SMOC2: variants seen among roughly 807,000 people sequenced by gnomAD.
SMOC2 encodes SPARC-related modular calcium-binding protein 2.
In SMOC2, 39 loss-of-function variants were observed where a neutral mutation model predicts 61.4. That is an observed-to-expected ratio of 0.64 (90% CI 0.49 to 0.83). SMOC2 has a LOEUF of 0.83. Ranked by LOEUF, SMOC2 falls within the 40% of genes least tolerant of loss-of-function variation. The pLI, the probability that SMOC2 is intolerant of heterozygous loss-of-function variation, is 0.00. For synonymous variants in SMOC2, 247 were observed against 239.9 expected (o/e 1.03, Z -0.27); for missense variants, 556 against 592.9 (o/e 0.94, Z 0.65).
intron 1 of SMOC2, among the ~76,000 whole-genome samples, chr6:168,485,705 G>GT (rs1317259470): frequency 2.0e-5 from 3 of 151,996 alleles, no homozygotes; most frequent in Non-Finnish European, 4.4e-5. Flanking sequence ...TAATAGCTAT[G>GT]TTTTTTTGGG....
At chr6:168,457,944 C>T (rs1445166238) in intron 1 of SMOC2, among the ~76,000 whole-genome samples, 1 of 152,122 alleles carries the variant, frequency 6.6e-6, no homozygotes, top group Non-Finnish European at 1.5e-5. Flanking sequence ...AGGGGGGCAG[C>T]ACAGGGGGTG....
intron 7 of SMOC2, among the ~76,000 whole-genome samples, chr6:168,556,731 A>C: frequency 7.8e-6 from 1 of 127,846 alleles, no homozygotes; most frequent in Non-Finnish European, 1.7e-5. Flanking sequence ...TCCTAATGCT[A>C]TCCCTCCCCC....
At chr6:168,584,426 TAAAGCCAAAC>T (rs1474764723) in intron 7 of SMOC2, among the ~76,000 whole-genome samples, 2 of 152,248 alleles carry the variant, frequency 1.3e-5, no homozygotes, top group East Asian at 3.9e-4. Flanking sequence ...CTTGCATAGA[TAAAGCCAAAC>T]TTGGCAAGAG....
chr6:168,650,535 A>G, intron 9 of SMOC2, 146 bp from the exon 10 acceptor site: 1 of 632,910 alleles, frequency 1.6e-6, no homozygotes, highest in Non-Finnish European at 2.7e-6. Context: ...ATATAATGCA[A>G]TGTGTTTGTG....
chr6:168,598,257 A>C (rs528474208), intron 7 of SMOC2, among the ~76,000 whole-genome samples: 1 of 152,348 alleles, frequency 6.6e-6, no homozygotes, highest in African/African-American at 2.4e-5. Flanking sequence ...CAGGTGAGAA[A>C]GTGGATTTTC....
At chr6:168,652,103 T>C (rs944490792) in intron 10 of SMOC2, among the ~76,000 whole-genome samples, 38 of 152,142 alleles carry the variant, frequency 2.5e-4, no homozygotes, top group African/African-American at 8.7e-4. Context: ...CTTTACATCT[T>C]CTATTCTTGG....
chr6:168,527,394 A>T (rs927460131), intron 3 of SMOC2, among the ~76,000 whole-genome samples: 1 of 152,240 alleles, frequency 6.6e-6, no homozygotes, highest in African/African-American at 2.4e-5. Flanking sequence ...TAAGGTGTCC[A>T]GCCCACACTA....
At chr6:168,486,477 T>C (rs1374540913) in intron 1 of SMOC2, among the ~76,000 whole-genome samples, 2 of 152,084 alleles carry the variant, frequency 1.3e-5, no homozygotes, top group African/African-American at 4.8e-5. Flanking sequence ...CCATGTCTTC[T>C]CTTTGCTACT....
At chr6:168,585,645 C>T (rs78623235) in intron 7 of SMOC2, among the ~76,000 whole-genome samples, 2 of 152,228 alleles carry the variant, frequency 1.3e-5, no homozygotes, top group African/African-American at 4.8e-5. Flanking sequence ...CCTCCCACTG[C>T]TCCTCAGCTC....
At chr6:168,497,736 C>T (rs1034839696) in intron 1 of SMOC2, among the ~76,000 whole-genome samples, 8 of 152,220 alleles carry the variant, frequency 5.3e-5, no homozygotes, top group African/African-American at 1.7e-4. Context: ...ATTCAATCAT[C>T]GCCCTGCATT....
At chr6:168,512,123 AG>A (rs1355884726) in intron 2 of SMOC2, among the ~76,000 whole-genome samples, 1 of 152,116 alleles carries the variant, frequency 6.6e-6, no homozygotes, top group Non-Finnish European at 1.5e-5. Flanking sequence ...GCCCACTCAG[AG>A]GGTCCTCTGA....
intron 9 of SMOC2, among the ~76,000 whole-genome samples, chr6:168,613,900 C>G (rs1583160908): frequency 1.1e-5 from 1 of 90,088 alleles, no homozygotes; most frequent in East Asian, 3.8e-4. Context: ...TTCACACCTA[C>G]AGCCAGCACA....
intron 1 of SMOC2, among the ~76,000 whole-genome samples, chr6:168,509,500 C>T (rs1441220134): frequency 1.3e-5 from 2 of 152,068 alleles, no homozygotes; most frequent in African/African-American, 4.8e-5. Flanking sequence ...ATTCCTGATA[C>T]TCGTCACTTC....
In SMOC2 at chr6:168,655,356, A is replaced by G. The variant is rs565437290; in HGVS notation, c.1285+2128A>G. The G allele has an allele frequency of 4.6e-5, 21 of 455,568 alleles. No homozygotes were observed. In the East Asian group the frequency reaches 1.4e-3, roughly 30 times the overall value. 28.2% of individuals were successfully genotyped at this position (455,568 alleles called of 1,614,324 possible). On this transcript the variant is annotated intron_variant, in intron 11 of 12. Transcript: ENST00000356284. ...GTTATAGCAGTTTTAACAATTGAAA[A>G]TACTTTTTTTTGTGGGCCTGGCCTA...
Position 168,475,002 on chromosome 6 carries a change from C to T in SMOC2, c.84+33548C>T, listed in dbSNP as rs986638518. On this transcript the variant is annotated intron_variant, in intron 1 of 12. Coordinates refer to ENST00000356284, the MANE Select transcript of SMOC2 (RefSeq NM_001166412.2). This position sits in a 1 kb window ranked among gnomAD's most constrained non-coding sequence, Gnocchi z 4.6. Reference sequence around the variant, plus strand: ...TCATCTAGAACTAAGGATTCCGATACATTTTTGAGGAGAAAGAAGAAAAAA... The same window carrying T: ...TCATCTAGAACTAAGGATTCCGATATATTTTTGAGGAGAAAGAAGAAAAAA... Among the ~76,000 whole-genome samples, 1 of 152,108 alleles carries T rather than the reference C, an allele frequency of 6.6e-6. No homozygotes were observed. Among genetic ancestry groups the T allele is most frequent in the Non-Finnish European group, 1.5e-5 (1 of 68,010 alleles).
At chr6:168,445,291 A>G (rs995656178) in intron 1 of SMOC2, among the ~76,000 whole-genome samples, 3 of 152,092 alleles carry the variant, frequency 2.0e-5, no homozygotes, top group Admixed American at 6.6e-5. Context: ...CTGAATCCTC[A>G]TCTTCTCACA....
intron 9 of SMOC2, among the ~76,000 whole-genome samples, chr6:168,643,135 G>A (rs529477676): frequency 1.3e-5 from 2 of 152,180 alleles, no homozygotes; most frequent in East Asian, 1.9e-4. Flanking sequence ...CAGGGTCCCC[G>A]TTCCAAACTT....
chr6:168,457,201 A>G (rs1435981887), intron 1 of SMOC2, among the ~76,000 whole-genome samples: 4 of 152,210 alleles, frequency 2.6e-5, no homozygotes, highest in African/African-American at 9.6e-5. Context: ...GAGGGCTGCC[A>G]GGAGGAACGT....
chr6:168,667,307 C>T lies in SMOC2; in HGVS notation c.*869C>T, dbSNP rs1409174036. On this transcript the variant is annotated 3_prime_UTR_variant, in exon 13 of 13. Transcript: ENST00000356284. ...CGTGGACATTATTCTCCTGATCCTCCTACCTGGTCCACCCCAGGGCTACCG... is the reference window on the plus strand; with the variant it reads ...CGTGGACATTATTCTCCTGATCCTCTTACCTGGTCCACCCCAGGGCTACCG... 6.6e-6 allele frequency: 1 copy of T among 152,224 alleles called. No individual in the cohort carries two copies. Among genetic ancestry groups the T allele is most frequent in the Non-Finnish European group, 1.5e-5 (1 of 68,076 alleles). 9.4% of individuals were successfully genotyped at this position (152,224 alleles called of 1,614,324 possible). A position where few individuals can be genotyped will look rare whatever the true frequency, so the allele number is the denominator to read the frequency against.
Sources: gnomAD v4.1 joint callset for allele counts (sites outside exome capture counted in the v4.1 genomes callset) on GRCh38, gnomAD v4.1.1 for gene constraint, Gnocchi (gnomAD v3.1) non-coding constraint, MANE v1.5 for transcripts, NCBI Gene and HGNC (gene_info 2026-07-23, HGNC 2026-07-21) for gene names.